The following SNAP47 variants were observed in gnomAD, a reference collection of about 807,000 sequenced individuals.
SNAP47 encodes synaptosome associated protein 47, also known as synaptosomal-associated protein 47.
A neutral mutation model predicts 31.4 loss-of-function variants in SNAP47; 20 were observed. The ratio of observed to expected loss-of-function variants is 0.64; its 90% CI spans 0.45 to 0.93. The LOEUF is 0.93. Among genes scored for constraint, SNAP47 ranks in the 40% least tolerant of loss-of-function variants. SNAP47 has a pLI of 0.00. For synonymous variants in SNAP47, 194 were observed against 213.4 expected, an observed-to-expected ratio of 0.91 and a Z score of 0.79; for missense variants, 492 against 528.5, an observed-to-expected ratio of 0.93 and a Z score of 0.68.
chr1:227,759,979 G>A (rs991112256), intron 3 of SNAP47, among the ~76,000 whole-genome samples: 1 of 152,192 alleles, frequency 6.6e-6, no homozygotes, highest in African/African-American at 2.4e-5. Context: ...CTCTTTGCCT[G>A]TGTCCGCTTC....
chr1:227,775,479 G>A (rs150053771), intron 4 of SNAP47, among the ~76,000 whole-genome samples: 8 of 152,316 alleles, frequency 5.3e-5, no homozygotes, highest in South Asian at 2.1e-4. Flanking sequence ...CCGGCGTCGC[G>A]AGGCGAGCCA....
At chr1:227,777,056 A>C in intron 4 of SNAP47, 1 of 984,786 alleles carries the variant, frequency 1.0e-6, no homozygotes, top group Non-Finnish European at 1.2e-6. Context: ...AATTTTTGCT[A>C]TTCCCACTGC....
intron 2 of SNAP47, among the ~76,000 whole-genome samples, 157 bp downstream of exon 2, chr1:227,748,390 G>A (rs1424042121): frequency 2.0e-5 from 3 of 152,338 alleles, no homozygotes; most frequent in South Asian, 2.1e-4. Context: ...TAGTGGGTAC[G>A]CACATTAAGA....
chr1:227,777,329 G>A (rs1036841980), intron 4 of SNAP47: 3 of 165,336 alleles, frequency 1.8e-5, no homozygotes, highest in African/African-American at 4.8e-5. Flanking sequence ...CAGGGGTGCC[G>A]GGCTGCCTGG....
intron 1 of SNAP47, among the ~76,000 whole-genome samples, chr1:227,742,573 C>A (rs1186647583): frequency 6.6e-6 from 1 of 152,246 alleles, no homozygotes; most frequent in Non-Finnish European, 1.5e-5. Flanking sequence ...CTCCACACTC[C>A]TGAAATACCT....
intron 4 of SNAP47, among the ~76,000 whole-genome samples, chr1:227,771,902 GGA>G (rs960840472): frequency 6.6e-6 from 1 of 152,180 alleles, no homozygotes; most frequent in African/African-American, 2.4e-5. Flanking sequence ...GGGCCTGGCA[GGA>G]GAGAGTGTGG....
chr1:227,732,246 C>T (rs1268375777), upstream of SNAP47: 7 of 931,904 alleles, frequency 7.5e-6, 1 homozygote, highest in South Asian at 7.9e-5. Flanking sequence ...AAAACAGGCA[C>T]CCAGGCAGTG....
chr1:227,775,911 G>A (rs1337699092), intron 4 of SNAP47: 2 of 1,302,406 alleles, frequency 1.5e-6, no homozygotes, highest in East Asian at 1.1e-4. Flanking sequence ...TTTTCTTCCA[G>A]AACAGCCTTT....
rs976572042 is a variant in SNAP47 at position 227,763,603 on chromosome 1, G to T, written c.989-3356G>T. Among the ~76,000 whole-genome samples the T allele has an allele frequency of 1.3e-5, 2 of 152,208 alleles. No homozygotes were observed. Among genetic ancestry groups the T allele is most frequent in the Non-Finnish European group, 2.9e-5 (2 of 68,034 alleles). ...GCGGGCTCGGGTTGGGCTGACTGGG[G>T]AGCCTGGGGGTACTGCATCAGCTGG... is the stretch of plus-strand genomic sequence containing the variant. On this transcript the variant is annotated intron_variant, in intron 3 of 4. Transcript: ENST00000617596. The surrounding 1 kb of genome is among the most constrained non-coding windows in gnomAD (Gnocchi z 4.2).
intron 2 of SNAP47, among the ~76,000 whole-genome samples, chr1:227,753,565 T>C (rs1662511021): frequency 6.6e-6 from 1 of 152,178 alleles, no homozygotes; most frequent in African/African-American, 2.4e-5. Context: ...CATAAGTCGC[T>C]GTTAGATGCT....
rs192610189 is a variant in SNAP47 at position 227,740,061 on chromosome 1, C to T, written c.-46+4562C>T. 3.3e-5 allele frequency among the ~76,000 whole-genome samples: 5 copies of T among 152,360 alleles called. No individual in the cohort carries two copies. The East Asian group carries it at 9.6e-4, about 29-fold the overall frequency. On this transcript the variant is annotated intron_variant, in intron 1 of 4. Coordinates refer to ENST00000617596, the MANE Select transcript of SNAP47 (RefSeq NM_053052.4). The stretch of plus-strand genomic sequence containing the variant: ...CATGGTGTGTAGCGGGCCTTGCGGC[C>T]CTCCCATGATAGTGCCTTCTGTAGT...
At chr1:227,735,336 C>T (rs375940946), upstream of SNAP47, 1 of 1,598,812 alleles carries the variant, frequency 6.3e-7, no homozygotes, top group Non-Finnish European at 8.5e-7. Context: ...ACGGTGAGGA[C>T]CAGCCTCGGA....
upstream of SNAP47, chr1:227,732,923 G>A (rs781408815): frequency 5.0e-6 from 8 of 1,612,902 alleles, no homozygotes; most frequent in African/African-American, 1.3e-5. Flanking sequence ...CCCTCCACTC[G>A]CTGACCTCCT....
chr1:227,735,316 C>G (rs762674065), upstream of SNAP47: 11 of 1,602,374 alleles, frequency 6.9e-6, no homozygotes, highest in Middle Eastern at 1.7e-4. Flanking sequence ...TCACTTCCGC[C>G]GGAGCGGAAA....
At chr1:227,778,088 C>T (rs766668104) in intron 4 of SNAP47, among the ~76,000 whole-genome samples, 7 of 152,212 alleles carry the variant, frequency 4.6e-5, no homozygotes, top group Non-Finnish European at 1.0e-4. Context: ...TTGAGTTATT[C>T]GCAAGAGTGT....
At chr1:227,736,527 T>G (rs1430776283) in intron 1 of SNAP47, 1 of 138,942 alleles carries the variant, frequency 7.2e-6, no homozygotes, top group African/African-American at 2.7e-5. Context: ...TTTTTTTTTT[T>G]TTTTTTTTTT....
At position 227,766,974 on chromosome 1, in the gene SNAP47, G is replaced by A. The variant is rs1228491528; in HGVS notation, c.1004G>A (p.Gly335Asp). The change falls in exon 4 of 5, where the codon GGC becomes GAC. Residue 335 changes from glycine to aspartate, a missense_variant. Transcript: ENST00000617596. The part of the protein sequence containing the change: ...SVWHAASGLM[G>D]RTLHREPPAG... ...CTCCTTGCAGCATCTGGGCTGATGG[G>A]CCGTACCCTGCACCGTGAGCCACCC... is the stretch of plus-strand genomic sequence containing the variant. 2 of 1,613,868 alleles carry A rather than the reference G, an allele frequency of 1.2e-6. No individual in the cohort carries two copies. The highest frequency in any genetic ancestry group is 2.2e-5 in the East Asian group (1 of 44,882).
chr1:227,762,531 AG>A lies in SNAP47; in HGVS notation c.988+3048del, dbSNP rs1663128674. Among the ~76,000 whole-genome samples the A allele has an allele frequency of 1.3e-5, 2 of 152,146 alleles. No homozygotes were observed. Among genetic ancestry groups the A allele is most frequent in the Non-Finnish European group, 2.9e-5 (2 of 68,000 alleles). On this transcript the variant is annotated intron_variant, in intron 3 of 4. Transcript: ENST00000617596. This position sits in a 1 kb window ranked among gnomAD's most constrained non-coding sequence, Gnocchi z 4.2. ...CAGCTGGAAACTGTGGGCTCCCTGG[AG>A]GTGGAAACCATGACGGATGTCTCAG... is the stretch of plus-strand genomic sequence containing the variant.
chr1:227,734,541 G>A (rs530396402), upstream of SNAP47: 89 of 983,782 alleles, frequency 9.0e-5, no homozygotes, highest in Admixed American at 1.6e-3. Context: ...AGTGCCTCAC[G>A]GGGAAAAATA....
Sources: allele counts gnomAD v4.1 joint callset (sites outside exome capture counted in the v4.1 genomes callset), GRCh38; gene constraint gnomAD v4.1.1; non-coding constraint Gnocchi (gnomAD v3.1); transcripts MANE v1.5; gene names NCBI Gene and HGNC (gene_info 2026-07-23, HGNC 2026-07-21).